The following QPCT variants were observed in gnomAD, a reference collection of about 807,000 sequenced individuals.
QPCT encodes the protein glutaminyl-peptide cyclotransferase, also known as EC.
QPCT carries 44 observed loss-of-function variants against 43.4 expected under a neutral mutation model. The ratio of observed to expected loss-of-function variants is 1.01; its 90% CI spans 0.80 to 1.30. The LOEUF is 1.30. Among genes scored for constraint, QPCT ranks in the 50% most tolerant of loss-of-function variants. The pLI is 0.00. For synonymous variants in QPCT, 168 were observed against 168.4 expected (o/e 1.00, Z 0.02); for missense variants, 526 against 436.5 (o/e 1.21, Z -1.83).
At chr2:37,367,479 A>G in intron 4 of QPCT, 71 bp downstream of exon 4, 2 of 1,463,002 alleles carry the variant, frequency 1.4e-6, no homozygotes, top group Non-Finnish European at 1.9e-6. Context: ...GCAAAAGCCA[A>G]GTAAAGACCT....
intron 3 of QPCT, among the ~76,000 whole-genome samples, chr2:37,361,051 A>G (rs1444038749): frequency 6.6e-6 from 1 of 152,014 alleles, no homozygotes; most frequent in Non-Finnish European, 1.5e-5. Flanking sequence ...GAAAGGTCTG[A>G]ATGAGTTATT....
intron 1 of QPCT, among the ~76,000 whole-genome samples, chr2:37,349,291 T>C (rs1672570650): frequency 6.6e-6 from 1 of 152,214 alleles, no homozygotes; most frequent in African/African-American, 2.4e-5. Context: ...TGTAAGTCTC[T>C]AGATTCATAA....
At position 37,367,428 on chromosome 2, in the gene QPCT, C is replaced by T; in HGVS notation, c.723+20C>T. ...GGCATGGTTAGTCTGGGCAATTTCCCTAGCACTGTAGCTGTAGGCTCCGCT... is the reference window on the plus strand; with the variant it reads ...GGCATGGTTAGTCTGGGCAATTTCCTTAGCACTGTAGCTGTAGGCTCCGCT... On this transcript the variant is annotated intron_variant, in intron 4 of 6. Transcript: ENST00000338415. 6.2e-7 allele frequency: 1 copy of T among 1,607,336 alleles called. No individual in the cohort carries two copies. The highest frequency in any genetic ancestry group is 8.5e-7 in the Non-Finnish European group (1 of 1,177,674).
At chr2:37,345,050 T>C (rs1283616205) in intron 1 of QPCT, among the ~76,000 whole-genome samples, 199 bp downstream of exon 1, 1 of 152,094 alleles carries the variant, frequency 6.6e-6, no homozygotes, top group African/African-American at 2.4e-5. Flanking sequence ...AGTCCGGGGC[T>C]GTTCTGGAGA....
chr2:37,357,749 T>A (rs1672778456), intron 2 of QPCT, among the ~76,000 whole-genome samples: 2 of 152,184 alleles, frequency 1.3e-5, no homozygotes, highest in African/African-American at 4.8e-5. Context: ...GTCCTCCCAC[T>A]ATTTAAATTC....
At position 37,369,778 on chromosome 2, in the gene QPCT, G is replaced by A; in HGVS notation, c.817G>A (p.Ala273Thr). 3.2e-6 allele frequency: 5 copies of A among 1,572,820 alleles called. No homozygotes were observed. Among genetic ancestry groups the A allele is most frequent in the Non-Finnish European group, 2.6e-6 (3 of 1,142,500 alleles). Reference protein sequence around the residue: ...NSARWFERLQAIEHELHELGL... With the variant: ...NSARWFERLQTIEHELHELGL... ...AGCCAGGTGGTTCGAAAGACTTCAAGCAATTGGTAAGCACCACTGTTATTA... is the reference window on the plus strand; with the variant it reads ...AGCCAGGTGGTTCGAAAGACTTCAAACAATTGGTAAGCACCACTGTTATTA... Residue 273 changes from alanine (A) to threonine (T), a missense_variant, in exon 5 of 7, where the codon GCA becomes ACA. Ala to Thr is a moderately conservative substitution (Grantham distance 58). Coordinates refer to ENST00000338415, the MANE Select transcript of QPCT (RefSeq NM_012413.4).
intron 2 of QPCT, among the ~76,000 whole-genome samples, chr2:37,354,153 C>T (rs1024874312): frequency 6.6e-6 from 1 of 152,228 alleles, no homozygotes; most frequent in African/African-American, 2.4e-5. Context: ...CGTGAGCCAC[C>T]GCGTCCGGCT....
intron 3 of QPCT, among the ~76,000 whole-genome samples, chr2:37,364,330 G>C (rs958627760): frequency 6.6e-6 from 1 of 152,224 alleles, no homozygotes; most frequent in African/African-American, 2.4e-5. Context: ...GAAATCTGCA[G>C]GTTGATGGTG....
Position 37,372,736 on chromosome 2 carries a change from T to A in QPCT, c.995T>A (p.Met332Lys), listed in dbSNP as rs1313923252. Reference protein sequence around the residue: ...PSPFPEVWHTMDDNEENLDES... With the variant: ...PSPFPEVWHTKDDNEENLDES... ...CCTTTCCCTGAAGTCTGGCACACCA[T>A]GGATGACAATGAAGAAAATTTGGAT... Residue 332 changes from methionine (M) to lysine (K), a missense_variant, in exon 7 of 7, where the codon ATG (methionine) becomes AAG (lysine). Transcript: ENST00000338415. 6.2e-7 allele frequency: 1 copy of A among 1,613,540 alleles called. No homozygotes were observed. The highest frequency in any genetic ancestry group is 1.7e-5 in the Admixed American group (1 of 59,964).
In QPCT at chr2:37,372,929, C is replaced by T; in HGVS notation, c.*102C>T. Reference sequence around the variant, plus strand: ...TCAGACAAATGCTGTGTGGAAACATCTATCCTATAGATCATCCTATTCTTA... The same window carrying T: ...TCAGACAAATGCTGTGTGGAAACATTTATCCTATAGATCATCCTATTCTTA... On this transcript the variant is annotated 3_prime_UTR_variant, in exon 7 of 7. Coordinates refer to ENST00000338415, the MANE Select transcript of QPCT (RefSeq NM_012413.4). 2 of 1,023,606 alleles carry T rather than the reference C, an allele frequency of 2.0e-6. No homozygotes were observed. The allele number at this position is 1,023,606 out of a possible 1,614,324, so 63.4% of individuals were successfully genotyped here. A position where few individuals can be genotyped will look rare whatever the true frequency, so the allele number is the denominator to read the frequency against.
intron 3 of QPCT, chr2:37,360,113 A>T: frequency 6.5e-6 from 3 of 458,486 alleles, no homozygotes; most frequent in Admixed American, 3.9e-5. Flanking sequence ...ATTAAATGCA[A>T]CATTTCTTTG....
chr2:37,371,691 G>T (rs1039525695), intron 5 of QPCT, among the ~76,000 whole-genome samples: 1 of 152,102 alleles, frequency 6.6e-6, no homozygotes, highest in Non-Finnish European at 1.5e-5. Context: ...CATGACTTAT[G>T]TAGGCCAGTG....
At position 37,359,728 on chromosome 2, in the gene QPCT, G is replaced by A. The variant is rs771459779; in HGVS notation, c.416G>A (p.Cys139Tyr). 1 of 1,614,134 alleles carries A rather than the reference G, an allele frequency of 6.2e-7. No individual in the cohort carries two copies. Among genetic ancestry groups the A allele is most frequent in the Non-Finnish European group, 8.5e-7 (1 of 1,180,022 alleles). ...GCTAAACGACATTTGGTCCTCGCCT[G>A]CCACTATGACTCCAAGTATTTTTCC... Reference protein sequence around the residue: ...PTAKRHLVLACHYDSKYFSHW... With the variant: ...PTAKRHLVLAYHYDSKYFSHW... Residue 139 changes from cysteine (C) to tyrosine (Y), a missense_variant, in exon 3 of 7, where the codon TGC becomes TAC. By Grantham distance (194) the Cys-to-Tyr change is radical. Coordinates refer to ENST00000338415, the MANE Select transcript of QPCT (RefSeq NM_012413.4).
At position 37,359,656 on chromosome 2, in the gene QPCT, A is replaced by G. The variant is rs200706403; in HGVS notation, c.344A>G (p.Tyr115Cys). 1.4e-4 allele frequency: 230 copies of G among 1,614,046 alleles called. No individual in the cohort carries two copies. The highest frequency in any genetic ancestry group is 1.7e-4 in the Non-Finnish European group (206 of 1,179,920). ...EIDTFLSQTP[Y>C]GYRSFSNIIS... ...GACACCTTCTTGAGTCAGACACCCT[A>G]TGGGTACCGGTCTTTCTCAAATATC... is the stretch of plus-strand genomic sequence containing the variant. Residue 115 changes from tyrosine to cysteine, a missense_variant, in exon 3 of 7, where the codon TAT (tyrosine) becomes TGT (cysteine). By Grantham distance (194) the Tyr-to-Cys change is radical. Coordinates refer to ENST00000338415, the MANE Select transcript of QPCT (RefSeq NM_012413.4).
intron 5 of QPCT, among the ~76,000 whole-genome samples, chr2:37,371,696 C>T (rs531452343): frequency 4.7e-4 from 71 of 152,216 alleles, no homozygotes; most frequent in Non-Finnish European, 2.9e-5. Context: ...CTTATGTAGG[C>T]CAGTGGTTCT....
chr2:37,352,673 A>C, intron 1 of QPCT, 116 bp from the exon 2 acceptor site: 2 of 1,309,374 alleles, frequency 1.5e-6, no homozygotes, highest in Non-Finnish European at 2.1e-6. Context: ...AATTTACCTC[A>C]TTTGACATAA....
At chr2:37,370,607 T>C (rs1673053895) in intron 5 of QPCT, among the ~76,000 whole-genome samples, 1 of 152,118 alleles carries the variant, frequency 6.6e-6, no homozygotes, top group Non-Finnish European at 1.5e-5. Flanking sequence ...TCTAGTACAG[T>C]CTCTGCCAAT....
chr2:37,372,246 C>T (rs1160386653), intron 5 of QPCT, 110 bp from the exon 6 acceptor site: 1 of 813,182 alleles, frequency 1.2e-6, no homozygotes, highest in East Asian at 2.4e-5. Flanking sequence ...TAATCTTTTA[C>T]AAATTATGGA....
In QPCT at chr2:37,357,072, A is replaced by T. The variant is rs1672767172; in HGVS notation, c.268-2508A>T. ...AGGATATATGCTGATTCTCTTATGG[A>T]TTTTAGTGTCAACAAGGTCATCAGA... On this transcript the variant is annotated intron_variant, in intron 2 of 6. Coordinates refer to ENST00000338415, the MANE Select transcript of QPCT (RefSeq NM_012413.4). Among the ~76,000 whole-genome samples, 6 of 151,822 alleles carry T rather than the reference A, an allele frequency of 4.0e-5. No individual in the cohort carries two copies. The South Asian group carries it at 8.3e-4, about 21-fold the overall frequency.
Sources: gnomAD v4.1 joint callset for allele counts (sites outside exome capture counted in the v4.1 genomes callset) on GRCh38, gnomAD v4.1.1 for gene constraint, MANE v1.5 for transcripts, NCBI Gene and HGNC (gene_info 2026-07-23, HGNC 2026-07-21) for gene names.